Variants in HELZ observed in about 807,000 individuals in gnomAD.
The protein encoded by HELZ is helicase with zinc finger.
HELZ carries 23 observed loss-of-function variants against 218.2 expected under a neutral mutation model. The observed-to-expected ratio is 0.11, with a 90% CI of 0.08 to 0.15. The LOEUF (loss-of-function observed/expected upper bound fraction) is 0.15, where lower values mean the gene tolerates loss of function less well. HELZ is among the 10% of genes least tolerant of loss of function. HELZ has a pLI of 1.00. For synonymous variants in HELZ, 814 were observed against 829.4 expected (o/e 0.98, Z 0.32); for missense variants, 1,813 against 2,353.7 (o/e 0.77, Z 4.75).
In HELZ at chr17:67,189,712, A is replaced by G; in HGVS notation, c.757-16T>C. 6.7e-7 allele frequency: 1 copy of G among 1,490,150 alleles called. No individual in the cohort carries two copies. Among genetic ancestry groups the G allele is most frequent in the Non-Finnish European group, 9.4e-7 (1 of 1,068,184 alleles). 92.3% of individuals were successfully genotyped at this position (1,490,150 alleles called of 1,614,324 possible). On this transcript the variant is annotated splice_polypyrimidine_tract_variant and intron_variant, in intron 10 of 32. Transcript: ENST00000358691. ...ATTCACTAAGCTGAAAACAGACAGCAATTTATGTTATGTTTTTATTGCTAA... is the reference window on the plus strand; with the variant it reads ...ATTCACTAAGCTGAAAACAGACAGCGATTTATGTTATGTTTTTATTGCTAA...
intron 32 of HELZ, among the ~76,000 whole-genome samples, 198 bp downstream of exon 32, chr17:67,086,631 A>ATATATATATATATATAT (rs1598183996): frequency 4.3e-5 from 4 of 93,300 alleles, no homozygotes; most frequent in Non-Finnish European, 4.1e-5. Flanking sequence ...TATAAATATA[A>ATATATATATATATATAT]ATATATATAT....
intron 3 of HELZ, among the ~76,000 whole-genome samples, chr17:67,228,660 CAA>C (rs202058543): frequency 8.5e-5 from 10 of 118,080 alleles, no homozygotes; most frequent in Non-Finnish European, 9.2e-5. Flanking sequence ...GACTTTGTCT[CAA>C]AAAAAAAAAA....
chr17:67,116,627 G>A (rs185650141), intron 27 of HELZ, among the ~76,000 whole-genome samples: 27 of 152,102 alleles, frequency 1.8e-4, no homozygotes, highest in Admixed American at 7.2e-4. Context: ...AACGATAAAC[G>A]AGTTAATTAA....
At chr17:67,143,434 C>T (rs771781869) in intron 21 of HELZ, among the ~76,000 whole-genome samples, 10 of 151,816 alleles carry the variant, frequency 6.6e-5, no homozygotes, top group Non-Finnish European at 1.3e-4. Flanking sequence ...ATAGTAAGAC[C>T]CCATCTCTAC....
At chr17:67,088,840 C>G (rs1216802536) in intron 31 of HELZ, among the ~76,000 whole-genome samples, 1 of 152,158 alleles carries the variant, frequency 6.6e-6, no homozygotes, top group East Asian at 1.9e-4. Flanking sequence ...AATTTAGTGT[C>G]AACTAGGAAT....
chr17:67,204,749 A>G (rs144929121), intron 5 of HELZ, among the ~76,000 whole-genome samples: 1 of 152,262 alleles, frequency 6.6e-6, no homozygotes, highest in African/African-American at 2.4e-5. Flanking sequence ...CATCCATATT[A>G]CAGATCACTC....
intron 23 of HELZ, among the ~76,000 whole-genome samples, chr17:67,129,355 TACATACACATATATAC>T (rs1003258063): frequency 8.7e-4 from 133 of 152,056 alleles, no homozygotes; most frequent in African/African-American, 2.8e-3. Context: ...TATATGCACA[TACATACACATATATAC>T]ACATACACAT....
chr17:67,083,924 G>A (rs1377290424), intron 32 of HELZ, among the ~76,000 whole-genome samples: 1 of 152,148 alleles, frequency 6.6e-6, no homozygotes, highest in African/African-American at 2.4e-5. Context: ...CAAAGATGGG[G>A]TTTCTATTTT....
intron 11 of HELZ, 109 bp downstream of exon 11, chr17:67,189,480 C>T (rs1007521778): frequency 3.0e-6 from 2 of 667,296 alleles, no homozygotes; most frequent in Admixed American, 5.1e-5. Context: ...ATATAATGTA[C>T]TTAGATTAAA....
intron 28 of HELZ, among the ~76,000 whole-genome samples, chr17:67,111,808 A>G (rs1262533087): frequency 2.6e-5 from 4 of 152,178 alleles, no homozygotes; most frequent in Non-Finnish European, 4.4e-5. Flanking sequence ...CTTCATAAAC[A>G]AACATTTTCC....
chr17:67,238,487 G>A (rs2041244452), intron 3 of HELZ, among the ~76,000 whole-genome samples: 1 of 152,096 alleles, frequency 6.6e-6, no homozygotes, highest in South Asian at 2.1e-4. Context: ...TTTGAGGCCA[G>A]CCTGGCCAAC....
intron 1 of HELZ, chr17:67,244,471 G>C (rs1403091069): frequency 2.7e-6 from 1 of 365,240 alleles, no homozygotes; most frequent in African/African-American, 2.2e-5. Flanking sequence ...TGCAGTCTGT[G>C]AGCCCTTGAA....
In HELZ at chr17:67,129,905, T is replaced by C. The variant is rs2037922906; in HGVS notation, c.3183-1050A>G. 2.0e-5 allele frequency among the ~76,000 whole-genome samples: 3 copies of C among 152,168 alleles called. No individual in the cohort carries two copies. The South Asian group carries it at 6.2e-4, about 31-fold the overall frequency. ...GAGAGGTTCAAATAATGTTTTATTA[T>C]GCTATAAAAGATATGTGATATGGTT... On this transcript the variant is annotated intron_variant, in intron 23 of 32. Transcript: ENST00000358691.
At chr17:67,210,972 T>C (rs1310030773) in intron 5 of HELZ, among the ~76,000 whole-genome samples, 1 of 152,186 alleles carries the variant, frequency 6.6e-6, no homozygotes, top group Non-Finnish European at 1.5e-5. Context: ...ATAGAACCAT[T>C]ATTTCATCAA....
chr17:67,112,863 TAG>T (rs1430119943), intron 28 of HELZ, among the ~76,000 whole-genome samples: 3 of 152,142 alleles, frequency 2.0e-5, no homozygotes, highest in East Asian at 3.9e-4. Flanking sequence ...GAGGTCATGT[TAG>T]AGAGATTGTG....
Position 67,108,613 on chromosome 17 carries a change from G to A in HELZ, c.4603C>T (p.His1535Tyr). The A allele has an allele frequency of 3.1e-6, 5 of 1,614,058 alleles. No homozygotes were observed. Among genetic ancestry groups the A allele is most frequent in the Admixed American group, 1.7e-5 (1 of 60,008 alleles). ...LSQGSAPYPH[H>Y]HHPHLQHLPQ... is the part of the protein sequence containing the mutation. The stretch of plus-strand genomic sequence containing the variant: ...AGATGCTGGAGGTGAGGATGGTGAT[G>A]GTGTGGGTATGGAGCGCTGCCCTGA... The change falls in exon 30 of 33, where the codon CAT (histidine) becomes TAT (tyrosine). Residue 1535 changes from histidine to tyrosine, a missense_variant. Transcript: ENST00000358691. The surrounding 1 kb of genome is among the most constrained non-coding windows in gnomAD (Gnocchi z 4.1).
chr17:67,123,342 C>T (rs554815758), intron 25 of HELZ, among the ~76,000 whole-genome samples, 182 bp from the exon 26 acceptor site: 1 of 152,218 alleles, frequency 6.6e-6, no homozygotes, highest in East Asian at 1.9e-4. Flanking sequence ...TTATAATGCT[C>T]CCTAAAATTA....
intron 31 of HELZ, among the ~76,000 whole-genome samples, chr17:67,105,097 C>A (rs961068783): frequency 6.6e-6 from 1 of 152,166 alleles, no homozygotes; most frequent in Non-Finnish European, 1.5e-5. Context: ...CATGCCACTG[C>A]GCTCCAGCCT....
rs1289246024 is a variant in HELZ, at chr17:67,154,226, A to G, written c.2178-3002T>C. On this transcript the variant is annotated intron_variant, in intron 17 of 32. Transcript: ENST00000358691. ...GTGGAACACTTGAGGCCAGGAGTTCAAGACCAGCCTGGCCAACATGGCAAA... is the reference window on the plus strand; with the variant it reads ...GTGGAACACTTGAGGCCAGGAGTTCGAGACCAGCCTGGCCAACATGGCAAA... Among the ~76,000 whole-genome samples the G allele has an allele frequency of 5.3e-5, 8 of 152,334 alleles. No homozygotes were observed. The East Asian group carries it at 1.3e-3, about 26-fold the overall frequency.
Sources: gnomAD v4.1 joint callset for allele counts (sites outside exome capture counted in the v4.1 genomes callset) on GRCh38, gnomAD v4.1.1 for gene constraint, Gnocchi (gnomAD v3.1) non-coding constraint, MANE v1.5 for transcripts, NCBI Gene and HGNC (gene_info 2026-07-23, HGNC 2026-07-21) for gene names.